Variants in ZNF83 observed in about 807,000 individuals in gnomAD.
The protein encoded by ZNF83 is zinc finger protein 816B.
For missense variants in ZNF83, 552 were observed against 629.9 expected, an observed-to-expected ratio of 0.88 and a Z score of 1.32; for synonymous variants, 209 against 213.0, an observed-to-expected ratio of 0.98 and a Z score of 0.17.
intron 3 of ZNF83, chr19:52,653,305 T>C: frequency 7.3e-7 from 1 of 1,365,788 alleles, no homozygotes; most frequent in Non-Finnish European, 1.0e-6. Flanking sequence ...ACCACATTCA[T>C]TACATGTGTA....
chr19:52,676,324 C>T (rs144427093), intron 1 of ZNF83, among the ~76,000 whole-genome samples: 16,541 of 152,184 alleles, frequency 0.11, 1,216 homozygotes, highest in Non-Finnish European at 0.15. Context: ...CTGATCTCGG[C>T]TCACTACAAC....
At chr19:52,625,181 C>T (rs946786708) in intron 2 of ZNF83, among the ~76,000 whole-genome samples, 7 of 152,170 alleles carry the variant, frequency 4.6e-5, no homozygotes, top group Non-Finnish European at 8.8e-5. Flanking sequence ...CTCTGCCCCA[C>T]TCCCACAGCC....
Position 52,614,024 on chromosome 19 carries a change from C to CAT in ZNF83, c.539_540dup (p.Glu181MetfsTer73), listed in dbSNP as rs779153790. The CAT allele has an allele frequency of 1.9e-6, 3 of 1,613,286 alleles. No homozygotes were observed. In the South Asian group the frequency reaches 3.3e-5, roughly 18 times the overall value. On this transcript the variant is annotated frameshift_variant, in exon 3 of 3. Transcript: ENST00000301096. ...ATTTGATTAAAGACCTTGCCACATT[C>CAT]ATTACATTTATATGGTTTCTCTCCA... is the stretch of plus-strand genomic sequence containing the variant.
chr19:52,688,799 C>T (rs1366714763), intron 1 of ZNF83, among the ~76,000 whole-genome samples: 1 of 152,056 alleles, frequency 6.6e-6, no homozygotes, highest in African/African-American at 2.4e-5. Context: ...CACAATGTGG[C>T]AAGGCAAGGT....
chr19:52,618,218 AG>A (rs1441847921), intron 2 of ZNF83, among the ~76,000 whole-genome samples: 1 of 151,514 alleles, frequency 6.6e-6, no homozygotes, highest in Non-Finnish European at 1.5e-5. Flanking sequence ...TAGCCTTTCT[AG>A]TACCTGGGAT....
rs186043294 is a variant in ZNF83 at position 52,675,584 on chromosome 19, G to A, written c.-282-14741C>T. On this transcript the variant is annotated intron_variant, in intron 1 of 5. Transcript: ENST00000594682. Reference sequence around the variant, plus strand: ...AGGTCTTGACTTACTCAGTGAGAGTGGTGTTGGAGGGGATGGGCTCACGGG... The same window carrying A: ...AGGTCTTGACTTACTCAGTGAGAGTAGTGTTGGAGGGGATGGGCTCACGGG... Among the ~76,000 whole-genome samples, 608 of 152,192 alleles carry A rather than the reference G, an allele frequency of 4.0e-3. 1 individual carries two copies. Among genetic ancestry groups the A allele is most frequent in the African/African-American group, 0.014 (583 of 41,492 alleles).
chr19:52,687,586 AT>A (rs2062056540), intron 1 of ZNF83, among the ~76,000 whole-genome samples: 1 of 39,300 alleles, frequency 2.5e-5, no homozygotes, highest in African/African-American at 2.7e-4. Context: ...TTTTATATAT[AT>A]ATATATATAA....
intron 2 of ZNF83, among the ~76,000 whole-genome samples, chr19:52,656,388 G>A (rs1441018751): frequency 6.6e-6 from 1 of 152,102 alleles, no homozygotes; most frequent in Non-Finnish European, 1.5e-5. Flanking sequence ...TGGGCATGGT[G>A]GGGGAATGTG....
chr19:52,638,321 G>GT lies in ZNF83; in HGVS notation c.-332dup, dbSNP rs1264417195. The GT allele has an allele frequency of 7.0e-6, 1 of 142,472 alleles. No individual in the cohort carries two copies. Among genetic ancestry groups the GT allele is most frequent in the Non-Finnish European group, 1.6e-5 (1 of 63,100 alleles). The allele number at this position is 142,472 out of a possible 1,614,324, so 8.8% of individuals were successfully genotyped here. A position where few individuals can be genotyped will look rare whatever the true frequency, so the allele number is the denominator to read the frequency against. On this transcript the variant is annotated 5_prime_UTR_variant, in exon 1 of 3. The change creates a premature stop within an existing upstream ORF in the 5' untranslated region. Coordinates refer to ENST00000301096, the Ensembl canonical transcript of ZNF83. ...GAAGAGCGAAACTCACCGCCACGGT[G>GT]TAACTTTCACTCCACATAATCCGCT... is the stretch of plus-strand genomic sequence containing the variant.
chr19:52,666,819 C>T (rs1266163345), intron 1 of ZNF83, among the ~76,000 whole-genome samples: 2 of 152,122 alleles, frequency 1.3e-5, no homozygotes, highest in Non-Finnish European at 2.9e-5. Flanking sequence ...GAACTCCCTT[C>T]CAGACAGGAC....
At chr19:52,690,140 G>T (rs138657335) in intron 1 of ZNF83, among the ~76,000 whole-genome samples, 1 of 149,028 alleles carries the variant, frequency 6.7e-6, no homozygotes, top group Non-Finnish European at 1.5e-5. Context: ...GGGTGAGGAC[G>T]TTAAAAAGCG....
chr19:52,655,717 A>G (rs994197011), intron 2 of ZNF83: 7 of 864,276 alleles, frequency 8.1e-6, no homozygotes, highest in Admixed American at 6.3e-5. Flanking sequence ...TCAACAAAAC[A>G]TTAGGGAGGA....
intron 1 of ZNF83, among the ~76,000 whole-genome samples, chr19:52,668,327 A>G (rs1373903945): frequency 6.6e-6 from 1 of 152,192 alleles, no homozygotes; most frequent in African/African-American, 2.4e-5. Context: ...CATCAGAATC[A>G]TGGGCCACTG....
chr19:52,614,166 T>G, exon 3 of ZNF83: 2 of 1,614,142 alleles, frequency 1.2e-6, no homozygotes, highest in Non-Finnish European at 1.7e-6. Context: ...CAAGGTTTGA[T>G]TTTTTATTGA....
intron 1 of ZNF83, among the ~76,000 whole-genome samples, chr19:52,661,804 A>T (rs4801925): frequency 6.6e-6 from 1 of 151,952 alleles, no homozygotes; most frequent in Non-Finnish European, 1.5e-5. Context: ...GTGGGGCTGC[A>T]ATGTCAAATG....
intron 3 of ZNF83, among the ~76,000 whole-genome samples, chr19:52,649,045 C>G (rs1244611019): frequency 6.6e-6 from 1 of 152,176 alleles, no homozygotes; most frequent in African/African-American, 2.4e-5. Flanking sequence ...CCTTCTCCCG[C>G]CGGGTCCCCA....
chr19:52,682,275 T>C (rs564397782), intron 1 of ZNF83, among the ~76,000 whole-genome samples: 1 of 152,210 alleles, frequency 6.6e-6, no homozygotes, highest in Non-Finnish European at 1.5e-5. Flanking sequence ...TATCCATCCA[T>C]GTATTCTCCC....
chr19:52,643,181 T>C (rs913156446), upstream of ZNF83, among the ~76,000 whole-genome samples: 5 of 150,770 alleles, frequency 3.3e-5, no homozygotes, highest in Non-Finnish European at 5.9e-5. Context: ...AAAAATACAA[T>C]AAACTAAAAA....
At chr19:52,625,402 T>G (rs2060702988) in intron 2 of ZNF83, among the ~76,000 whole-genome samples, 1 of 152,148 alleles carries the variant, frequency 6.6e-6, no homozygotes. Flanking sequence ...ATTCTCCTTA[T>G]GTCAAGTCTA....
Sources: gnomAD v4.1 joint callset for allele counts (sites outside exome capture counted in the v4.1 genomes callset) on GRCh38, gnomAD v4.1.1 for gene constraint, MANE v1.5 for transcripts, NCBI Gene and HGNC (gene_info 2026-07-23, HGNC 2026-07-21) for gene names.